ARHGEF4: variants seen among roughly 807,000 people sequenced by gnomAD.
The protein encoded by ARHGEF4 is Rho guanine nucleotide exchange factor 4, also known as APC-stimulated guanine nucleotide exchange factor 1.
A neutral mutation model predicts 162.0 loss-of-function variants in ARHGEF4; 119 were observed. That is an observed-to-expected ratio of 0.73 (90% CI 0.63 to 0.86). The LOEUF is 0.86. ARHGEF4 is among the 40% of genes least tolerant of loss of function. The pLI, the probability that ARHGEF4 is intolerant of heterozygous loss-of-function variation, is 0.00. For synonymous variants in ARHGEF4, 1,014 were observed against 979.9 expected, an observed-to-expected ratio of 1.03 and a Z score of -0.65; for missense variants, 2,488 against 2,456.0, an observed-to-expected ratio of 1.01 and a Z score of -0.28.
intron 4 of ARHGEF4, among the ~76,000 whole-genome samples, chr2:130,981,577 G>A (rs779760051): frequency 2.0e-5 from 3 of 151,428 alleles, no homozygotes; most frequent in Admixed American, 1.3e-4. Flanking sequence ...GAAAATAGCT[G>A]GAACCTGGGA....
At chr2:130,991,122 C>T (rs1234033504) in intron 4 of ARHGEF4, among the ~76,000 whole-genome samples, 1 of 152,194 alleles carries the variant, frequency 6.6e-6, no homozygotes, top group African/African-American at 2.4e-5. Context: ...TGTGAATCTT[C>T]AACAATAACA....
At chr2:131,002,346 G>A (rs905046269) in intron 4 of ARHGEF4, among the ~76,000 whole-genome samples, 5 of 152,170 alleles carry the variant, frequency 3.3e-5, no homozygotes, top group Non-Finnish European at 7.4e-5. Flanking sequence ...GGGAGGCCGA[G>A]GCAGGCAGAT....
chr2:130,851,123 G>A (rs1186755431), intron 1 of ARHGEF4, among the ~76,000 whole-genome samples: 2 of 152,252 alleles, frequency 1.3e-5, no homozygotes, highest in African/African-American at 2.4e-5. Context: ...GAACACCGGC[G>A]TCCTGACCGC....
At chr2:130,988,302 G>A (rs562429901) in intron 4 of ARHGEF4, among the ~76,000 whole-genome samples, 4 of 152,316 alleles carry the variant, frequency 2.6e-5, no homozygotes, top group African/African-American at 9.6e-5. Flanking sequence ...CAGACTCACA[G>A]CTCCAAGCCA....
At chr2:130,845,419 A>G (rs1574083907) in intron 1 of ARHGEF4, among the ~76,000 whole-genome samples, 1 of 151,834 alleles carries the variant, frequency 6.6e-6, no homozygotes, top group Non-Finnish European at 1.5e-5. Context: ...TTGAGGCAGG[A>G]GGATCATGGG....
chr2:130,966,326 G>A (rs570430390), intron 4 of ARHGEF4, among the ~76,000 whole-genome samples: 2 of 152,178 alleles, frequency 1.3e-5, no homozygotes, highest in South Asian at 2.1e-4. Context: ...CCTAAGACTC[G>A]CCTCTCTTCT....
chr2:130,928,389 T>C (rs535288987), intron 2 of ARHGEF4, among the ~76,000 whole-genome samples: 86 of 152,348 alleles, frequency 5.6e-4, no homozygotes, highest in African/African-American at 1.9e-3. Context: ...TTTCTTGTTA[T>C]GCTGTTTTCA....
At position 130,950,017 on chromosome 2, in the gene ARHGEF4, C is replaced by T. The variant is rs540403895; in HGVS notation, c.3985+3382C>T. On this transcript the variant is annotated intron_variant, in intron 4 of 13. Transcript: ENST00000409359. ...TCGTCTGTGAGGACAGCAGTCTTCCCCCAGCAGTGGTGTGTTGTTAAGTAG... is the reference window on the plus strand; with the variant it reads ...TCGTCTGTGAGGACAGCAGTCTTCCTCCAGCAGTGGTGTGTTGTTAAGTAG... Among the ~76,000 whole-genome samples the T allele has an allele frequency of 6.6e-5, 10 of 152,334 alleles. No homozygotes were observed. The South Asian group carries it at 2.1e-3, about 32-fold the overall frequency.
intron 1 of ARHGEF4, among the ~76,000 whole-genome samples, chr2:130,885,497 C>A (rs1254460069): frequency 6.6e-6 from 1 of 151,464 alleles, no homozygotes; most frequent in Non-Finnish European, 1.5e-5. Flanking sequence ...AAGTTTCCCA[C>A]ACATGCTTTT....
At chr2:130,997,953 G>A (rs527877140) in intron 4 of ARHGEF4, among the ~76,000 whole-genome samples, 4 of 151,698 alleles carry the variant, frequency 2.6e-5, no homozygotes, top group African/African-American at 4.9e-5. Context: ...GCAGAGCTTC[G>A]TAGGAACACA....
chr2:131,024,385 C>A (rs993592950), intron 4 of ARHGEF4, among the ~76,000 whole-genome samples: 1 of 147,950 alleles, frequency 6.8e-6, no homozygotes, highest in African/African-American at 2.5e-5. Context: ...AAGCAGTTCT[C>A]CTGCCTCAGC....
intron 3 of ARHGEF4, among the ~76,000 whole-genome samples, chr2:130,943,440 A>C (rs1166369038): frequency 6.6e-6 from 1 of 151,952 alleles, no homozygotes; most frequent in Non-Finnish European, 1.5e-5. Context: ...GAGTATTCAA[A>C]CTTAATGTAT....
At chr2:130,857,159 G>C (rs1367127689) in intron 1 of ARHGEF4, among the ~76,000 whole-genome samples, 4 of 152,150 alleles carry the variant, frequency 2.6e-5, no homozygotes, top group Admixed American at 6.5e-5. Context: ...ATGAACCCGG[G>C]AGGCGAAGCT....
intron 1 of ARHGEF4, among the ~76,000 whole-genome samples, chr2:130,896,121 T>C (rs986365432): frequency 1.7e-4 from 26 of 152,214 alleles, no homozygotes; most frequent in Non-Finnish European, 1.0e-4. Context: ...AAGACTATTA[T>C]TCTTTTTCCA....
intron 1 of ARHGEF4, among the ~76,000 whole-genome samples, chr2:130,889,779 G>A (rs930299860): frequency 7.2e-6 from 1 of 139,748 alleles, no homozygotes; most frequent in Non-Finnish European, 1.5e-5. Context: ...GCCACTGCAC[G>A]CCAGCCCAGG....
chr2:130,991,018 G>C (rs1686916083), intron 4 of ARHGEF4, among the ~76,000 whole-genome samples: 1 of 152,206 alleles, frequency 6.6e-6, no homozygotes, highest in South Asian at 2.1e-4. Context: ...ATTTGAGAAA[G>C]TTATATATCC....
At chr2:130,845,410 T>C (rs1680892645) in intron 1 of ARHGEF4, among the ~76,000 whole-genome samples, 1 of 151,946 alleles carries the variant, frequency 6.6e-6, no homozygotes, top group Non-Finnish European at 1.5e-5. Flanking sequence ...CTTGGGAGGT[T>C]GAGGCAGGAG....
chr2:130,844,277 C>T (rs1166075806), intron 1 of ARHGEF4, among the ~76,000 whole-genome samples: 3 of 152,214 alleles, frequency 2.0e-5, no homozygotes, highest in African/African-American at 7.2e-5. Flanking sequence ...ACGATATTGC[C>T]CATTGGCCCA....
intron 1 of ARHGEF4, among the ~76,000 whole-genome samples, chr2:130,881,030 TTTG>T (rs542810002): frequency 0.012 from 1,867 of 152,102 alleles, 33 homozygotes; most frequent in African/African-American, 0.042. Context: ...AAACATTATT[TTTG>T]TTGTTGTTGT....
Sources: allele counts gnomAD v4.1 joint callset (sites outside exome capture counted in the v4.1 genomes callset), GRCh38; gene constraint gnomAD v4.1.1; transcripts MANE v1.5; gene names NCBI Gene and HGNC (gene_info 2026-07-23, HGNC 2026-07-21).